Variants in ADGRB3 observed in about 807,000 individuals in gnomAD.
The protein encoded by ADGRB3 is adhesion G protein-coupled receptor B3, also known as brain-specific angiogenesis inhibitor 3.
In ADGRB3, 37 loss-of-function variants were observed where a neutral mutation model predicts 193.4. The observed-to-expected ratio is 0.19, with a 90% CI of 0.15 to 0.25. The LOEUF (loss-of-function observed/expected upper bound fraction) is 0.25, where lower values mean the gene tolerates loss of function less well. Ranked by LOEUF, ADGRB3 falls within the 10% of genes least tolerant of loss-of-function variation. The pLI is 1.00. For synonymous variants in ADGRB3, 690 were observed against 644.2 expected, an observed-to-expected ratio of 1.07 and a Z score of -1.08; for missense variants, 1,637 against 1,852.9, an observed-to-expected ratio of 0.88 and a Z score of 2.14.
chr6:68,770,065 A>G (rs1288602053), intron 3 of ADGRB3, among the ~76,000 whole-genome samples: 1 of 152,162 alleles, frequency 6.6e-6, no homozygotes, highest in East Asian at 1.9e-4. Context: ...TTATCTTAAT[A>G]GAAAGAGAAA....
At chr6:68,657,071 A>T (rs1768507128) in intron 3 of ADGRB3, among the ~76,000 whole-genome samples, 1 of 151,492 alleles carries the variant, frequency 6.6e-6, no homozygotes, top group Non-Finnish European at 1.5e-5. Flanking sequence ...CTGTAGATGA[A>T]GATCAGAAAT....
At chr6:68,829,095 T>C (rs75510339) in intron 3 of ADGRB3, among the ~76,000 whole-genome samples, 2,431 of 16,684 alleles carry the variant, frequency 0.15, 80 homozygotes, top group East Asian at 0.25. Flanking sequence ...AAGTAACTTT[T>C]TTTTTTTTTT....
intron 3 of ADGRB3, among the ~76,000 whole-genome samples, chr6:68,811,144 G>A (rs756613340): frequency 3.3e-5 from 5 of 151,994 alleles, no homozygotes; most frequent in Non-Finnish European, 7.4e-5. Context: ...AGAGTCAATT[G>A]ATTTTAATGC....
intron 11 of ADGRB3, among the ~76,000 whole-genome samples, chr6:69,000,431 T>C (rs1259546912): frequency 6.6e-6 from 1 of 152,198 alleles, no homozygotes; most frequent in African/African-American, 2.4e-5. Flanking sequence ...TGCACTAACA[T>C]TGAACTCATA....
intron 3 of ADGRB3, among the ~76,000 whole-genome samples, chr6:68,712,563 G>A (rs1765423506): frequency 6.6e-6 from 1 of 151,630 alleles, no homozygotes; most frequent in African/African-American, 2.4e-5. Context: ...GATGTTTTGT[G>A]AAAAAAGGGA....
intron 17 of ADGRB3, among the ~76,000 whole-genome samples, chr6:69,152,900 A>T (rs1347150017): frequency 6.6e-6 from 1 of 152,206 alleles, no homozygotes. Context: ...TATCGCTATG[A>T]CTAAATTGAG....
chr6:69,184,539 C>G (rs1470641192), intron 17 of ADGRB3, among the ~76,000 whole-genome samples: 1 of 152,008 alleles, frequency 6.6e-6, no homozygotes, highest in African/African-American at 2.4e-5. Flanking sequence ...AATTTATCAT[C>G]CTAAAACATG....
At chr6:69,388,575 AT>A in intron 31 of ADGRB3, 127 bp from the exon 32 acceptor site, 1 of 863,806 alleles carries the variant, frequency 1.2e-6, no homozygotes, top group Non-Finnish European at 1.7e-6. Flanking sequence ...AGTTGGCCGT[AT>A]TTTCAAGTCA....
chr6:69,355,485 T>C (rs1769318922), intron 27 of ADGRB3, among the ~76,000 whole-genome samples: 1 of 152,214 alleles, frequency 6.6e-6, no homozygotes, highest in Non-Finnish European at 1.5e-5. Context: ...TTCATAATAA[T>C]TCACATTCTG....
intron 17 of ADGRB3, among the ~76,000 whole-genome samples, chr6:69,099,060 A>C (rs1382855435): frequency 2.0e-5 from 3 of 152,196 alleles, no homozygotes; most frequent in Non-Finnish European, 4.4e-5. Flanking sequence ...GTTCATACTG[A>C]GGGTGTTCAT....
At chr6:68,778,363 A>G (rs1487720756) in intron 3 of ADGRB3, among the ~76,000 whole-genome samples, 1 of 152,136 alleles carries the variant, frequency 6.6e-6, no homozygotes, top group Non-Finnish European at 1.5e-5. Context: ...GTTCATGTAC[A>G]TGTACACATT....
intron 4 of ADGRB3, among the ~76,000 whole-genome samples, chr6:68,934,531 T>G (rs1767432569): frequency 6.6e-6 from 1 of 152,190 alleles, no homozygotes; most frequent in African/African-American, 2.4e-5. Flanking sequence ...TTCATAACCT[T>G]TATCATTTCA....
At chr6:68,892,338 G>GC (rs1562074344) in intron 3 of ADGRB3, among the ~76,000 whole-genome samples, 2 of 152,150 alleles carry the variant, frequency 1.3e-5, no homozygotes. Flanking sequence ...AGCCACAGCA[G>GC]CCTCTGAGTT....
intron 3 of ADGRB3, among the ~76,000 whole-genome samples, chr6:68,789,854 T>G (rs919077186): frequency 1.3e-5 from 2 of 152,210 alleles, no homozygotes; most frequent in African/African-American, 4.8e-5. Context: ...GTTCATTTCT[T>G]TTTATTCTTG....
chr6:69,073,124 A>G (rs2150311589), intron 16 of ADGRB3, among the ~76,000 whole-genome samples: 1 of 152,320 alleles, frequency 6.6e-6, no homozygotes, highest in East Asian at 1.9e-4. Flanking sequence ...TTGGATTGTT[A>G]CAGGAACATT....
intron 16 of ADGRB3, among the ~76,000 whole-genome samples, chr6:69,070,754 C>A (rs1163572185): frequency 6.6e-6 from 1 of 152,048 alleles, no homozygotes; most frequent in Non-Finnish European, 1.5e-5. Flanking sequence ...TGAAGTAGGT[C>A]TAGAGAAAAC....
intron 3 of ADGRB3, among the ~76,000 whole-genome samples, chr6:68,743,622 G>A (rs748113689): frequency 2.9e-4 from 44 of 151,878 alleles, no homozygotes; most frequent in Admixed American, 7.2e-4. Context: ...AAGAGATAAG[G>A]AAATTCACTA....
At chr6:69,045,658 A>C (rs1405071474) in intron 13 of ADGRB3, among the ~76,000 whole-genome samples, 1 of 152,136 alleles carries the variant, frequency 6.6e-6, no homozygotes, top group Admixed American at 6.5e-5. Context: ...TTAAAAATAA[A>C]ATGAAATAAA....
At chr6:69,096,418 A>G (rs570705285) in intron 17 of ADGRB3, among the ~76,000 whole-genome samples, 6 of 139,364 alleles carry the variant, frequency 4.3e-5, no homozygotes, top group African/African-American at 1.6e-4. Context: ...ATATGCATCT[A>G]TTATGCCCAT....
Sources: gnomAD v4.1 joint callset for allele counts (sites outside exome capture counted in the v4.1 genomes callset) on GRCh38, gnomAD v4.1.1 for gene constraint, MANE v1.5 for transcripts, NCBI Gene and HGNC (gene_info 2026-07-23, HGNC 2026-07-21) for gene names.